Variants in ANKRD11 observed in about 807,000 individuals in gnomAD.
ANKRD11 encodes the protein ankyrin repeat domain 11, also known as ankyrin repeat domain-containing protein 11.
A neutral mutation model predicts 195.7 loss-of-function variants in ANKRD11; 17 were observed. The ratio of observed to expected loss-of-function variants is 0.09; its 90% CI spans 0.06 to 0.13. ANKRD11 has a LOEUF of 0.13. Among genes scored for constraint, ANKRD11 ranks in the 10% least tolerant of loss-of-function variants. The pLI, the probability that ANKRD11 is intolerant of heterozygous loss-of-function variation, is 1.00. For missense variants in ANKRD11, 3,735 were observed against 3,566.1 expected (o/e 1.05, Z -1.21); for synonymous variants, 1,953 against 1,528.1 (o/e 1.28, Z -6.49).
chr16:89,349,174 T>C (rs988843926), intron 2 of ANKRD11, among the ~76,000 whole-genome samples: 25 of 77,842 alleles, frequency 3.2e-4, no homozygotes, highest in Middle Eastern at 9.1e-3. Flanking sequence ...ATAATAATTA[T>C]AGTAATCAAG....
At chr16:89,420,548 C>CA (rs1458047244) in intron 1 of ANKRD11, 3 of 152,186 alleles carry the variant, frequency 2.0e-5, no homozygotes, top group Non-Finnish European at 4.4e-5. Context: ...AAACAAAACT[C>CA]AGTTTTCTGT....
In ANKRD11 at chr16:89,281,317, G is replaced by A. The variant is rs759287339; in HGVS notation, c.5225C>T (p.Ser1742Leu). ...GGTGGGCACGGGCGTGGAGTGCTGC[G>A]AGTCGGCGCAGTCGAACACGAGGTC... ...YADLVFDCAD[S>L]QHSTPVPTAP... The change falls in exon 9 of 13, where the codon TCG becomes TTG. Residue 1742 changes from serine (S) to leucine (L), a missense_variant. Coordinates refer to ENST00000301030, the MANE Select transcript of ANKRD11 (RefSeq NM_013275.6). This position sits in a 1 kb window ranked among gnomAD's most constrained non-coding sequence, Gnocchi z 5.5. 12 of 1,613,960 alleles carry A rather than the reference G, an allele frequency of 7.4e-6. No homozygotes were observed. The highest frequency in any genetic ancestry group is 1.1e-5 in the South Asian group (1 of 91,068).
intron 1 of ANKRD11, among the ~76,000 whole-genome samples, chr16:89,446,134 TC>T (rs1472153664): frequency 6.6e-6 from 1 of 151,828 alleles, no homozygotes; most frequent in Non-Finnish European, 1.5e-5. Context: ...AAAAAGGACT[TC>T]CAATTGCATT....
At chr16:89,468,394 G>A (rs528904627) in intron 1 of ANKRD11, among the ~76,000 whole-genome samples, 45 of 152,216 alleles carry the variant, frequency 3.0e-4, no homozygotes, top group African/African-American at 1.1e-3. Context: ...TCACCGATTT[G>A]CTGTTACCAA....
chr16:89,269,244 C>T (rs2032918489), intron 12 of ANKRD11, among the ~76,000 whole-genome samples: 1 of 151,974 alleles, frequency 6.6e-6, no homozygotes, highest in Non-Finnish European at 1.5e-5. Flanking sequence ...CAGCCTTGAC[C>T]TCTGGGGCTC....
At chr16:89,469,229 T>C (rs1416624581) in intron 1 of ANKRD11, among the ~76,000 whole-genome samples, 5 of 152,114 alleles carry the variant, frequency 3.3e-5, no homozygotes, top group African/African-American at 1.2e-4. Flanking sequence ...ATCCACTCTT[T>C]TTTTTCTTTT....
chr16:89,300,708 G>A (rs752950100), intron 4 of ANKRD11: 37 of 540,374 alleles, frequency 6.8e-5, no homozygotes, highest in Non-Finnish European at 1.1e-4. Context: ...CAAACATGAC[G>A]TCAGGAAAAG....
intron 2 of ANKRD11, among the ~76,000 whole-genome samples, chr16:89,380,543 G>A (rs986353334): frequency 1.4e-4 from 18 of 127,384 alleles, no homozygotes; most frequent in African/African-American, 4.7e-4. Flanking sequence ...CACAGGGCAC[G>A]AAGAGCAGCC....
intron 2 of ANKRD11, among the ~76,000 whole-genome samples, chr16:89,350,531 A>G (rs1194999479): frequency 6.6e-6 from 1 of 152,220 alleles, no homozygotes; most frequent in Non-Finnish European, 1.5e-5. Flanking sequence ...AGGAAGATGA[A>G]ACACACCAGA....
intron 1 of ANKRD11, among the ~76,000 whole-genome samples, chr16:89,461,983 C>T (rs964878059): frequency 6.6e-6 from 1 of 152,036 alleles, no homozygotes. Context: ...TGGTATACTT[C>T]CGTCTGTCAC....
At chr16:89,320,301 G>A (rs1354958155) in intron 2 of ANKRD11, 1 of 152,272 alleles carries the variant, frequency 6.6e-6, no homozygotes, top group Non-Finnish European at 1.5e-5. Flanking sequence ...CCTGGAAGGT[G>A]ACTTGGCTGT....
intron 7 of ANKRD11, chr16:89,286,581 G>A: frequency 3.0e-6 from 3 of 1,003,352 alleles, no homozygotes; most frequent in Non-Finnish European, 3.9e-6. Flanking sequence ...GAGTGGTCGT[G>A]GAGGGCTCAG....
intron 2 of ANKRD11, among the ~76,000 whole-genome samples, chr16:89,322,373 C>T (rs2037380124): frequency 6.6e-6 from 1 of 152,134 alleles, no homozygotes; most frequent in Non-Finnish European, 1.5e-5. Context: ...ATGCTCCTCT[C>T]CTTATGTAAG....
chr16:89,408,798 T>G (rs1461412752), intron 2 of ANKRD11, among the ~76,000 whole-genome samples: 1 of 152,222 alleles, frequency 6.6e-6, no homozygotes, highest in Non-Finnish European at 1.5e-5. Flanking sequence ...TTTTGAGGCC[T>G]ACATTCCTCT....
At chr16:89,369,432 C>T (rs548037623) in intron 2 of ANKRD11, among the ~76,000 whole-genome samples, 2 of 152,192 alleles carry the variant, frequency 1.3e-5, no homozygotes, top group Non-Finnish European at 1.5e-5. Flanking sequence ...AGCAAGGGTG[C>T]GCCTCCACGG....
intron 2 of ANKRD11, among the ~76,000 whole-genome samples, chr16:89,393,969 C>T (rs868694709): frequency 1.3e-5 from 2 of 152,308 alleles, no homozygotes; most frequent in Middle Eastern, 3.4e-3. Flanking sequence ...ATAAGTGAAG[C>T]TCAAACCACT....
chr16:89,466,052 GGAC>G (rs1463077926), intron 1 of ANKRD11, among the ~76,000 whole-genome samples: 1 of 151,994 alleles, frequency 6.6e-6, no homozygotes, highest in African/African-American at 2.4e-5. Context: ...ATCACAACAG[GGAC>G]CAGTAAAAGG....
At chr16:89,321,945 C>T (rs564328770) in intron 2 of ANKRD11, among the ~76,000 whole-genome samples, 4 of 152,294 alleles carry the variant, frequency 2.6e-5, no homozygotes, top group African/African-American at 9.6e-5. Context: ...TGCTGCTGCG[C>T]GAGGCTTAAG....
chr16:89,476,227 C>T (rs1217616777), intron 1 of ANKRD11, among the ~76,000 whole-genome samples: 1 of 152,054 alleles, frequency 6.6e-6, no homozygotes, highest in African/African-American at 2.4e-5. Flanking sequence ...AAATCAAATT[C>T]AAATGAACCT....
Sources: gnomAD v4.1 joint callset for allele counts (sites outside exome capture counted in the v4.1 genomes callset) on GRCh38, gnomAD v4.1.1 for gene constraint, Gnocchi (gnomAD v3.1) non-coding constraint, MANE v1.5 for transcripts, NCBI Gene and HGNC (gene_info 2026-07-23, HGNC 2026-07-21) for gene names.